The following PRUNE2 variants were observed in gnomAD, a reference collection of about 807,000 sequenced individuals.
PRUNE2 encodes protein prune homolog 2.
PRUNE2 carries 164 observed loss-of-function variants against 252.0 expected under a neutral mutation model. The ratio of observed to expected loss-of-function variants is 0.65; its 90% confidence interval spans 0.57 to 0.74. The LOEUF is 0.74. Ranked by LOEUF, PRUNE2 falls within the 30% of genes least tolerant of loss-of-function variation. The pLI is 0.00. For missense variants in PRUNE2, 3,495 were observed against 3,711.0 expected (o/e 0.94, Z 1.51); for synonymous variants, 1,292 against 1,350.2 (o/e 0.96, Z 0.94).
intron 1 of PRUNE2, among the ~76,000 whole-genome samples, chr9:76,898,826 A>G (rs1277773838): frequency 6.6e-6 from 1 of 152,232 alleles, no homozygotes; most frequent in African/African-American, 2.4e-5. Context: ...TCATCAGTTC[A>G]AAAAGACTCT....
intron 6 of PRUNE2, among the ~76,000 whole-genome samples, chr9:76,781,022 CCAT>C (rs1438531899): frequency 6.6e-6 from 1 of 152,128 alleles, no homozygotes; most frequent in Non-Finnish European, 1.5e-5. Context: ...CATAGCCAGT[CCAT>C]CAACACATCC....
intron 4 of PRUNE2, among the ~76,000 whole-genome samples, chr9:76,841,207 C>T (rs2059375158): frequency 6.6e-6 from 1 of 152,056 alleles, no homozygotes; most frequent in Admixed American, 6.6e-5. Flanking sequence ...CCAGGAAGCA[C>T]AAGGGGTCGG....
Position 76,707,482 on chromosome 9 carries a change from T to C in PRUNE2, c.4792A>G (p.Lys1598Glu). The change falls in exon 8 of 19, where the codon AAA becomes GAA. Residue 1598 changes from lysine (K) to glutamate (E), a missense_variant. By Grantham distance (56) the Lys-to-Glu change is moderately conservative (BLOSUM62 1). Transcript: ENST00000376718. ...TTDGQVEIVT[K>E]VKDLEKNRIN... ...CTGTTTTTCTCTAAATCCTTCACTT[T>C]GGTAACTATTTCTACTTGGCCATCA... is the stretch of plus-strand genomic sequence containing the variant. The C allele has an allele frequency of 6.2e-7, 1 of 1,613,942 alleles. No homozygotes were observed. Among genetic ancestry groups the C allele is most frequent in the Non-Finnish European group, 8.5e-7 (1 of 1,179,858 alleles).
chr9:76,781,567 A>G (rs929549978), intron 6 of PRUNE2, among the ~76,000 whole-genome samples: 14 of 152,168 alleles, frequency 9.2e-5, no homozygotes, highest in African/African-American at 3.4e-4. Flanking sequence ...TCCCTATCTA[A>G]TGTAAAATAG....
At chr9:76,659,797 A>G (rs1429565616) in intron 9 of PRUNE2, among the ~76,000 whole-genome samples, 1 of 151,996 alleles carries the variant, frequency 6.6e-6, no homozygotes, top group African/African-American at 2.4e-5. Flanking sequence ...CTCAACCATT[A>G]TATGTAAACT....
intron 9 of PRUNE2, among the ~76,000 whole-genome samples, chr9:76,677,698 T>C (rs529707968): frequency 1.3e-5 from 2 of 152,326 alleles, no homozygotes; most frequent in African/African-American, 4.8e-5. Flanking sequence ...CTTTATCTTT[T>C]CATTCCCACA....
At chr9:76,719,647 A>G (rs2047453509) in intron 6 of PRUNE2, among the ~76,000 whole-genome samples, 1 of 151,478 alleles carries the variant, frequency 6.6e-6, no homozygotes, top group African/African-American at 2.4e-5. Flanking sequence ...AAAAAAATAT[A>G]TGTTCCTTTT....
Position 76,705,300 on chromosome 9 carries a change from G to A in PRUNE2, c.6974C>T (p.Ser2325Phe). ...TIDDMSKLTL[S>F]EGHPETPVDG... Reference sequence around the variant, plus strand: ...AACTGGCGTTTCCGGATGGCCTTCGGATAATGTCAGTTTACTCATGTCATC... The same window carrying A: ...AACTGGCGTTTCCGGATGGCCTTCGAATAATGTCAGTTTACTCATGTCATC... The change falls in exon 8 of 19, where the codon TCC (serine) becomes TTC (phenylalanine). Residue 2325 changes from serine to phenylalanine, a missense_variant. Physicochemically the swap from Ser to Phe is radical, Grantham distance 155 (BLOSUM62 -2). Transcript: ENST00000376718. The A allele has an allele frequency of 6.2e-7, 1 of 1,614,028 alleles. No individual in the cohort carries two copies.
At chr9:76,868,837 T>TTGGG (rs1230607823) in intron 1 of PRUNE2, 1 of 77,104 alleles carries the variant, frequency 1.3e-5, no homozygotes, top group Non-Finnish European at 2.8e-5. Context: ...CCTTGGGGGG[T>TTGGG]GGGGGGGGGG....
chr9:76,798,875 G>C (rs1175291483), intron 6 of PRUNE2, among the ~76,000 whole-genome samples: 1 of 152,148 alleles, frequency 6.6e-6, no homozygotes, highest in East Asian at 1.9e-4. Flanking sequence ...CCTGGAAATA[G>C]TAAGATACCA....
At chr9:76,728,348 G>A (rs889231761) in intron 6 of PRUNE2, among the ~76,000 whole-genome samples, 3 of 151,424 alleles carry the variant, frequency 2.0e-5, no homozygotes, top group South Asian at 2.1e-4. Flanking sequence ...AGCCCAGGGA[G>A]CTGTTAAAAA....
At chr9:76,811,790 C>T (rs2057372451) in intron 6 of PRUNE2, among the ~76,000 whole-genome samples, 1 of 152,104 alleles carries the variant, frequency 6.6e-6, no homozygotes, top group South Asian at 2.1e-4. Context: ...GCCAGAGGTG[C>T]CAGAAATACC....
intron 1 of PRUNE2, among the ~76,000 whole-genome samples, chr9:76,897,390 C>CTATTTTTTTTTTTT (rs1564527202): frequency 3.6e-5 from 2 of 56,252 alleles, no homozygotes; most frequent in African/African-American, 6.1e-5. Context: ...AGGCAAACCT[C>CTATTTTTTTTTTTT]TTTTTTTTTT....
chr9:76,756,419 C>G (rs1481271984), intron 6 of PRUNE2, among the ~76,000 whole-genome samples: 1 of 152,210 alleles, frequency 6.6e-6, no homozygotes, highest in Non-Finnish European at 1.5e-5. Flanking sequence ...CTGGGAGCTG[C>G]CTGTATGGCT....
At chr9:76,774,699 T>G (rs1227955294) in intron 6 of PRUNE2, among the ~76,000 whole-genome samples, 1 of 152,004 alleles carries the variant, frequency 6.6e-6, no homozygotes, top group Admixed American at 6.6e-5. Context: ...CCTCAGGTGA[T>G]CCACCCACCT....
intron 4 of PRUNE2, among the ~76,000 whole-genome samples, chr9:76,845,373 T>C (rs1326229833): frequency 6.6e-6 from 1 of 152,230 alleles, no homozygotes; most frequent in Non-Finnish European, 1.5e-5. Context: ...CACACATTTG[T>C]GCTGTTGAAC....
chr9:76,844,154 C>T (rs1162259228), intron 4 of PRUNE2, among the ~76,000 whole-genome samples: 2 of 152,122 alleles, frequency 1.3e-5, no homozygotes, highest in African/African-American at 4.8e-5. Flanking sequence ...CCTATTTAAC[C>T]ATCCTTTAGT....
chr9:76,715,692 A>C (rs1233249640), intron 6 of PRUNE2, among the ~76,000 whole-genome samples: 6 of 152,224 alleles, frequency 3.9e-5, no homozygotes, highest in African/African-American at 1.4e-4. Context: ...ATCTTTAAGT[A>C]GATGTTTAAA....
At chr9:76,837,311 G>A (rs538520949) in intron 4 of PRUNE2, among the ~76,000 whole-genome samples, 54 of 152,064 alleles carry the variant, frequency 3.6e-4, no homozygotes, top group Middle Eastern at 3.4e-3. Context: ...GCGTGGTGGC[G>A]GGCACCTGCA....
Sources: gnomAD v4.1 joint callset for allele counts (sites outside exome capture counted in the v4.1 genomes callset) on GRCh38, gnomAD v4.1.1 for gene constraint, MANE v1.5 for transcripts, NCBI Gene and HGNC (gene_info 2026-07-23, HGNC 2026-07-21) for gene names.